The following PDLIM5 variants were observed in gnomAD, a reference collection of about 807,000 sequenced individuals.
The protein encoded by PDLIM5 is PDZ and LIM domain 5.
Under a neutral mutation model 64.2 loss-of-function variants are expected in PDLIM5, and 34 were observed. That is an observed-to-expected ratio of 0.53 (90% CI 0.40 to 0.71). The LOEUF (loss-of-function observed/expected upper bound fraction) is 0.71, where lower values mean the gene tolerates loss of function less well. Among genes scored for constraint, PDLIM5 ranks in the 30% least tolerant of loss-of-function variants. PDLIM5 has a pLI of 0.00. For synonymous variants in PDLIM5, 253 were observed against 269.1 expected (o/e 0.94, Z 0.59); for missense variants, 683 against 733.6 (o/e 0.93, Z 0.80).
chr4:94,478,693 T>C lies in PDLIM5; in HGVS notation c.96+23309T>C, dbSNP rs191837458. 3.4e-3 allele frequency among the ~76,000 whole-genome samples: 519 copies of C among 152,186 alleles called. 2 individuals are homozygous for C. Among genetic ancestry groups the C allele is most frequent in the Non-Finnish European group, 5.6e-3 (382 of 67,992 alleles). ...AGTTATTATTGTGACAAGTAGAAAA[T>C]GGTTTAAACTACTATTACAAATGTA... On this transcript the variant is annotated intron_variant, in intron 2 of 12. Transcript: ENST00000317968.
Position 94,602,291 on chromosome 4 carries a change from G to T in PDLIM5, c.921-15713G>T, listed in dbSNP as rs1176914483. Among the ~76,000 whole-genome samples, 3 of 152,106 alleles carry T rather than the reference G, an allele frequency of 2.0e-5. No homozygotes were observed. In the East Asian group the frequency reaches 5.8e-4, roughly 29 times the overall value. The stretch of plus-strand genomic sequence containing the variant: ...TTTTAATTGAAGATGCCATTTTTAT[G>T]TTGTAAAAGAAAATGTTTGCATTAT... On this transcript the variant is annotated intron_variant, in intron 7 of 12. Coordinates refer to ENST00000317968, the MANE Select transcript of PDLIM5 (RefSeq NM_006457.5).
intron 3 of PDLIM5, among the ~76,000 whole-genome samples, chr4:94,525,984 A>G (rs1730319667): frequency 6.6e-6 from 1 of 152,350 alleles, no homozygotes. Context: ...TTTACCAAGT[A>G]TGAATTTTGA....
At chr4:94,541,066 G>A (rs1429926450) in intron 3 of PDLIM5, among the ~76,000 whole-genome samples, 1 of 152,160 alleles carries the variant, frequency 6.6e-6, no homozygotes, top group Non-Finnish European at 1.5e-5. Context: ...AACTGTTTGA[G>A]GCAAATTCAT....
intron 3 of PDLIM5, among the ~76,000 whole-genome samples, chr4:94,525,421 AC>A (rs1453985532): frequency 6.7e-6 from 1 of 148,292 alleles, no homozygotes; most frequent in East Asian, 1.9e-4. Flanking sequence ...CTGTCGCCCC[AC>A]CCCCCAAAAA....
chr4:94,475,056 G>A (rs904985194), intron 2 of PDLIM5, among the ~76,000 whole-genome samples: 8 of 151,648 alleles, frequency 5.3e-5, no homozygotes, highest in Non-Finnish European at 1.0e-4. Context: ...TTTTATCATC[G>A]TTAGACAATT....
intron 7 of PDLIM5, chr4:94,587,506 G>C: frequency 1.1e-6 from 1 of 896,558 alleles, no homozygotes. Context: ...TACTTTTTAA[G>C]TTCATTATTA....
chr4:94,647,667 T>C (rs1741524649), intron 9 of PDLIM5, among the ~76,000 whole-genome samples: 1 of 152,162 alleles, frequency 6.6e-6, no homozygotes, highest in Non-Finnish European at 1.5e-5. Context: ...CAGATATCTA[T>C]AGAACATTCC....
intron 2 of PDLIM5, among the ~76,000 whole-genome samples, chr4:94,480,375 A>T (rs1009946904): frequency 4.6e-5 from 7 of 152,370 alleles, no homozygotes; most frequent in African/African-American, 1.7e-4. Flanking sequence ...ATTTTATTAC[A>T]AGGCATTGGT....
chr4:94,553,416 C>G (rs895751276), intron 3 of PDLIM5, among the ~76,000 whole-genome samples: 2 of 152,124 alleles, frequency 1.3e-5, no homozygotes, highest in Non-Finnish European at 1.5e-5. Flanking sequence ...GCCAAATGAT[C>G]GGTTTTAGTT....
At chr4:94,477,201 A>G (rs1259480098) in intron 2 of PDLIM5, among the ~76,000 whole-genome samples, 1 of 152,170 alleles carries the variant, frequency 6.6e-6, no homozygotes, top group Non-Finnish European at 1.5e-5. Flanking sequence ...GCAGTTATCC[A>G]TTCTTTTCTG....
rs570074832 is a variant in PDLIM5 at position 94,614,054 on chromosome 4, G to A, written c.921-3950G>A. On this transcript the variant is annotated intron_variant, in intron 7 of 12. Transcript: ENST00000317968. ...CTCAGTTCACTGCAACCTCCGCCTC[G>A]CGGGTTCAAGTGATTCTCCTGCCTC... 4.1e-5 allele frequency among the ~76,000 whole-genome samples: 6 copies of A among 146,282 alleles called. No homozygotes were observed. The South Asian group carries it at 6.5e-4, about 16-fold the overall frequency.
intron 2 of PDLIM5, among the ~76,000 whole-genome samples, chr4:94,478,086 T>A (rs1725489410): frequency 6.6e-6 from 1 of 151,742 alleles, no homozygotes; most frequent in Non-Finnish European, 1.5e-5. Context: ...TGAAACCCCG[T>A]CTCTACTAAA....
At chr4:94,468,225 T>A (rs571731331) in intron 2 of PDLIM5, among the ~76,000 whole-genome samples, 6 of 152,214 alleles carry the variant, frequency 3.9e-5, no homozygotes, top group South Asian at 4.1e-4. Flanking sequence ...CAATCAGAGC[T>A]CCATGCAGCC....
chr4:94,561,618 T>G (rs1422404871), intron 3 of PDLIM5, among the ~76,000 whole-genome samples: 1 of 152,216 alleles, frequency 6.6e-6, no homozygotes, highest in Non-Finnish European at 1.5e-5. Flanking sequence ...AAGAGGAAAT[T>G]AATATGACAG....
intron 5 of PDLIM5, chr4:94,582,827 C>T (rs1374901386): frequency 3.8e-6 from 3 of 797,712 alleles, no homozygotes; most frequent in Non-Finnish European, 6.2e-6. Context: ...TTAGGATTTT[C>T]TCATTATAAG....
intron 2 of PDLIM5, among the ~76,000 whole-genome samples, chr4:94,496,250 A>G (rs78899099): frequency 6.6e-6 from 1 of 152,194 alleles, no homozygotes; most frequent in African/African-American, 2.4e-5. Context: ...AGGTAAAAAA[A>G]TAATTTTAGA....
intron 9 of PDLIM5, among the ~76,000 whole-genome samples, chr4:94,642,161 G>T (rs1435381132): frequency 1.3e-5 from 2 of 152,178 alleles, no homozygotes; most frequent in Admixed American, 6.5e-5. Flanking sequence ...CTGATGCTTA[G>T]GGATACTATA....
chr4:94,618,313 AG>A (rs1738951638), intron 8 of PDLIM5, 122 bp downstream of exon 8: 11 of 565,166 alleles, frequency 1.9e-5, no homozygotes, highest in South Asian at 3.1e-5. Context: ...AGATTTAGAA[AG>A]GACTATCAGG....
At chr4:94,522,237 C>A (rs1332896908) in intron 2 of PDLIM5, among the ~76,000 whole-genome samples, 1 of 152,148 alleles carries the variant, frequency 6.6e-6, no homozygotes, top group Non-Finnish European at 1.5e-5. Flanking sequence ...GAACGACCTT[C>A]CCGAAGTCCC....
Sources: gnomAD v4.1 joint callset for allele counts (sites outside exome capture counted in the v4.1 genomes callset) on GRCh38, gnomAD v4.1.1 for gene constraint, MANE v1.5 for transcripts, NCBI Gene and HGNC (gene_info 2026-07-23, HGNC 2026-07-21) for gene names.